Variants in GALNTL6 observed in about 807,000 individuals in gnomAD.
GALNTL6 encodes polypeptide N-acetylgalactosaminyltransferase like 6.
GALNTL6 carries 46 observed loss-of-function variants against 73.7 expected under a neutral mutation model. The ratio of observed to expected loss-of-function variants is 0.62; its 90% CI spans 0.49 to 0.80. The LOEUF (loss-of-function observed/expected upper bound fraction) is 0.80. GALNTL6 is among the 30% of genes least tolerant of loss of function. The pLI is 0.00. For synonymous variants in GALNTL6, 259 were observed against 263.7 expected (o/e 0.98, Z 0.17); for missense variants, 604 against 755.0 (o/e 0.80, Z 2.34).
At chr4:172,349,869 T>C (rs1208174792) in intron 5 of GALNTL6, among the ~76,000 whole-genome samples, 1 of 150,828 alleles carries the variant, frequency 6.6e-6, no homozygotes, top group African/African-American at 2.4e-5. Flanking sequence ...ATCAACCTGG[T>C]CATTTTAGGT....
chr4:172,579,426 T>G (rs759207839), intron 5 of GALNTL6, among the ~76,000 whole-genome samples: 1 of 152,152 alleles, frequency 6.6e-6, no homozygotes, highest in African/African-American at 2.4e-5. Context: ...TGGCAGATAG[T>G]AAAGTAAGCC....
At chr4:172,295,387 A>T (rs1739630921) in intron 3 of GALNTL6, among the ~76,000 whole-genome samples, 1 of 149,902 alleles carries the variant, frequency 6.7e-6, no homozygotes, top group South Asian at 2.1e-4. Flanking sequence ...GCACCACTGC[A>T]CTCGAGCCTG....
rs560745859 is a variant in GALNTL6, at chr4:172,050,260, G to A, written c.139-179396G>A. Among the ~76,000 whole-genome samples the A allele has an allele frequency of 7.2e-5, 11 of 152,246 alleles. No homozygotes were observed. In the East Asian group the frequency reaches 7.7e-4, roughly 11 times the overall value. On this transcript the variant is annotated intron_variant, in intron 2 of 12. Coordinates refer to ENST00000506823, the MANE Select transcript of GALNTL6 (RefSeq NM_001034845.3). ...GGGCACCAAGAAAGGAGAATCAGGC[G>A]GTTCAGGCTTTAGTCCCAACTTCCC...
chr4:171,973,962 T>C (rs958515516), intron 2 of GALNTL6, among the ~76,000 whole-genome samples: 10 of 152,156 alleles, frequency 6.6e-5, no homozygotes, highest in African/African-American at 2.4e-4. Flanking sequence ...ATTCTTATAA[T>C]CAGACATTTT....
intron 7 of GALNTL6, among the ~76,000 whole-genome samples, chr4:172,821,279 C>A (rs1446024990): frequency 6.6e-6 from 1 of 152,158 alleles, no homozygotes; most frequent in Non-Finnish European, 1.5e-5. Context: ...CAAATCAATG[C>A]CTTCATTCAT....
intron 10 of GALNTL6, among the ~76,000 whole-genome samples, chr4:173,002,285 G>T (rs563192615): frequency 6.6e-6 from 1 of 152,030 alleles, no homozygotes; most frequent in South Asian, 2.1e-4. Flanking sequence ...AGCTACTCAG[G>T]AGGCTGAGGC....
At chr4:172,869,605 A>G (rs895934518) in intron 7 of GALNTL6, among the ~76,000 whole-genome samples, 1 of 152,180 alleles carries the variant, frequency 6.6e-6, no homozygotes, top group Non-Finnish European at 1.5e-5. Context: ...TCAATCCTTA[A>G]CACTCACTGT....
chr4:172,546,705 G>C (rs182129139), intron 5 of GALNTL6, among the ~76,000 whole-genome samples: 25 of 148,204 alleles, frequency 1.7e-4, no homozygotes, highest in Admixed American at 1.5e-3. Context: ...GCAAAACCGA[G>C]TCCCTTAGAT....
chr4:172,940,647 C>T (rs1748869630), intron 9 of GALNTL6, among the ~76,000 whole-genome samples: 1 of 152,004 alleles, frequency 6.6e-6, no homozygotes, highest in African/African-American at 2.4e-5. Context: ...AGGCGCAAGC[C>T]ACCACACCCG....
intron 2 of GALNTL6, among the ~76,000 whole-genome samples, chr4:171,988,271 G>T (rs1246605599): frequency 6.6e-6 from 1 of 152,164 alleles, no homozygotes; most frequent in Non-Finnish European, 1.5e-5. Context: ...ATTGACGTTT[G>T]GGAGATTAAT....
chr4:171,996,742 A>T (rs1003122938), intron 2 of GALNTL6, among the ~76,000 whole-genome samples: 19 of 151,238 alleles, frequency 1.3e-4, no homozygotes, highest in Admixed American at 1.3e-3. Flanking sequence ...AAAAAAAAAA[A>T]ACTCACAGTG....
intron 5 of GALNTL6, among the ~76,000 whole-genome samples, chr4:172,444,755 AT>A (rs933216125): frequency 6.6e-6 from 1 of 152,158 alleles, no homozygotes; most frequent in African/African-American, 2.4e-5. Flanking sequence ...AGGCAGCAAA[AT>A]ACCTCATCCA....
intron 7 of GALNTL6, among the ~76,000 whole-genome samples, chr4:172,827,642 A>C (rs1460242079): frequency 6.6e-6 from 1 of 152,132 alleles, no homozygotes; most frequent in Non-Finnish European, 1.5e-5. Context: ...CCCGCTTTCA[A>C]CAAATCATTG....
intron 5 of GALNTL6, among the ~76,000 whole-genome samples, chr4:172,592,143 G>A (rs981628894): frequency 2.0e-5 from 3 of 152,192 alleles, no homozygotes; most frequent in African/African-American, 4.8e-5. Context: ...AAGAAGCATG[G>A]TGCCAGCATC....
intron 5 of GALNTL6, among the ~76,000 whole-genome samples, chr4:172,362,535 TTGA>T (rs1410408282): frequency 1.3e-5 from 2 of 152,238 alleles, no homozygotes; most frequent in East Asian, 3.9e-4. Context: ...TTCTTAAATA[TTGA>T]TGATCCTCAG....
At chr4:172,763,263 G>A (rs1461939149) in intron 5 of GALNTL6, among the ~76,000 whole-genome samples, 2 of 151,748 alleles carry the variant, frequency 1.3e-5, no homozygotes, top group East Asian at 3.9e-4. Context: ...AGTAATCAGA[G>A]AGAACGTGAA....
intron 8 of GALNTL6, among the ~76,000 whole-genome samples, chr4:172,917,642 G>GA (rs1490331353): frequency 6.6e-6 from 1 of 152,146 alleles, no homozygotes; most frequent in East Asian, 1.9e-4. Flanking sequence ...ACAGACACAT[G>GA]AAAAAATGCT....
chr4:172,735,880 A>C (rs1312911500), intron 5 of GALNTL6, among the ~76,000 whole-genome samples: 1 of 152,218 alleles, frequency 6.6e-6, no homozygotes, highest in African/African-American at 2.4e-5. Flanking sequence ...CTGGGTCTCC[A>C]GGGGTGACAT....
intron 8 of GALNTL6, among the ~76,000 whole-genome samples, chr4:172,899,137 C>G (rs1296735190): frequency 6.6e-6 from 1 of 152,166 alleles, no homozygotes; most frequent in African/African-American, 2.4e-5. Flanking sequence ...CACCAGTGCT[C>G]CCAGCTGAAT....
Sources: gnomAD v4.1 joint callset for allele counts (sites outside exome capture counted in the v4.1 genomes callset) on GRCh38, gnomAD v4.1.1 for gene constraint, MANE v1.5 for transcripts, NCBI Gene and HGNC (gene_info 2026-07-23, HGNC 2026-07-21) for gene names.